IMMP2L: variants seen among roughly 807,000 people sequenced by gnomAD.
IMMP2L encodes mitochondrial inner membrane protease subunit 2.
A neutral mutation model predicts 19.3 loss-of-function variants in IMMP2L; 18 were observed. The observed-to-expected ratio is 0.93, with a 90% CI of 0.64 to 1.38. IMMP2L has a LOEUF of 1.38. Among genes scored for constraint, IMMP2L ranks in the 40% most tolerant of loss-of-function variants. The pLI is 0.00. For missense variants in IMMP2L, 233 were observed against 218.2 expected, an observed-to-expected ratio of 1.07 and a Z score of -0.43; for synonymous variants, 76 against 73.0, an observed-to-expected ratio of 1.04 and a Z score of -0.21.
intron 1 of IMMP2L, 126 bp downstream of exon 1, chr7:111,561,725 C>A (rs773942950): frequency 6.5e-6 from 1 of 152,778 alleles, no homozygotes; most frequent in Non-Finnish European, 1.5e-5. Flanking sequence ...CTCCAGTTCC[C>A]GATGAAAAGG....
At chr7:111,197,172 C>G (rs1399478783) in intron 3 of IMMP2L, among the ~76,000 whole-genome samples, 1 of 151,950 alleles carries the variant, frequency 6.6e-6, no homozygotes, top group African/African-American at 2.4e-5. Context: ...TAAAAATGAA[C>G]AAAGTATTGG....
At chr7:111,317,634 T>C (rs4730485) in intron 3 of IMMP2L, among the ~76,000 whole-genome samples, 68,647 of 151,894 alleles carry the variant, frequency 0.45, 16,098 homozygotes, top group Non-Finnish European at 0.52. Context: ...AATCAACAAT[T>C]TGTCTTCATT....
At chr7:111,420,380 T>C (rs1167483988) in intron 3 of IMMP2L, among the ~76,000 whole-genome samples, 1 of 151,792 alleles carries the variant, frequency 6.6e-6, no homozygotes, top group African/African-American at 2.4e-5. Context: ...ATAAAAAAAC[T>C]ATCTGTACAA....
intron 5 of IMMP2L, among the ~76,000 whole-genome samples, chr7:110,699,305 A>G (rs1794094216): frequency 6.6e-6 from 1 of 152,208 alleles, no homozygotes; most frequent in Non-Finnish European, 1.5e-5. Flanking sequence ...TACCCAGAAT[A>G]TTAAGTCATA....
At chr7:111,316,230 T>C (rs1824059203) in intron 3 of IMMP2L, among the ~76,000 whole-genome samples, 1 of 152,062 alleles carries the variant, frequency 6.6e-6, no homozygotes, top group African/African-American at 2.4e-5. Flanking sequence ...GAATTACAAC[T>C]GGGTGGATGG....
chr7:111,086,862 T>C (rs1445798449), intron 3 of IMMP2L, among the ~76,000 whole-genome samples: 1 of 152,240 alleles, frequency 6.6e-6, no homozygotes. Context: ...ACCACTACTG[T>C]ATAAAAGCAA....
intron 3 of IMMP2L, among the ~76,000 whole-genome samples, chr7:111,453,345 G>A (rs995614056): frequency 6.6e-6 from 1 of 152,088 alleles, no homozygotes; most frequent in Non-Finnish European, 1.5e-5. Flanking sequence ...TTTCCTTGAT[G>A]CCTTCTCCCC....
intron 3 of IMMP2L, among the ~76,000 whole-genome samples, chr7:111,105,394 A>G (rs1279266775): frequency 6.6e-6 from 1 of 151,936 alleles, no homozygotes; most frequent in Non-Finnish European, 1.5e-5. Flanking sequence ...CATGTTGAAA[A>G]GAGCAGATAG....
intron 3 of IMMP2L, among the ~76,000 whole-genome samples, chr7:111,181,601 A>T (rs761426214): frequency 7.2e-5 from 11 of 152,044 alleles, no homozygotes; most frequent in Non-Finnish European, 1.6e-4. Context: ...AGAGGAATAA[A>T]TGAAGGTTCT....
chr7:111,216,088 T>C (rs999806359), intron 3 of IMMP2L, among the ~76,000 whole-genome samples: 3 of 152,172 alleles, frequency 2.0e-5, no homozygotes, highest in African/African-American at 7.2e-5. Flanking sequence ...CTTGGAAAAT[T>C]CCAATTTGCC....
intron 2 of IMMP2L, among the ~76,000 whole-genome samples, chr7:111,508,264 T>G (rs1162672797): frequency 6.6e-6 from 1 of 151,596 alleles, no homozygotes; most frequent in African/African-American, 2.4e-5. Flanking sequence ...AGCTAAAAAG[T>G]ATAAAACAGG....
At chr7:111,542,876 C>T (rs940971778) in intron 1 of IMMP2L, among the ~76,000 whole-genome samples, 1 of 152,136 alleles carries the variant, frequency 6.6e-6, no homozygotes, top group African/African-American at 2.4e-5. Context: ...CATTTCAGCA[C>T]TCTCAATTGC....
chr7:111,553,590 C>A (rs1339589517), intron 1 of IMMP2L, among the ~76,000 whole-genome samples: 2 of 152,152 alleles, frequency 1.3e-5, no homozygotes, highest in Non-Finnish European at 2.9e-5. Flanking sequence ...TGAGACTACA[C>A]ACTTAAATCT....
At chr7:110,750,750 C>G (rs574874958) in intron 5 of IMMP2L, among the ~76,000 whole-genome samples, 1 of 151,934 alleles carries the variant, frequency 6.6e-6, no homozygotes, top group African/African-American at 2.4e-5. Flanking sequence ...TGTACACAGG[C>G]CACATTAATG....
At chr7:111,402,237 A>C (rs1394363808) in intron 3 of IMMP2L, among the ~76,000 whole-genome samples, 1 of 151,498 alleles carries the variant, frequency 6.6e-6, no homozygotes, top group East Asian at 1.9e-4. Context: ...TTCAAATTAA[A>C]ACCAAGCAAA....
intron 3 of IMMP2L, among the ~76,000 whole-genome samples, chr7:110,972,620 CTG>C (rs1317869152): frequency 6.6e-6 from 1 of 151,960 alleles, no homozygotes; most frequent in Non-Finnish European, 1.5e-5. Context: ...TTAAAAAAGA[CTG>C]TGAAAGATCA....
intron 3 of IMMP2L, among the ~76,000 whole-genome samples, chr7:111,374,958 G>A (rs1440206262): frequency 1.3e-5 from 2 of 152,034 alleles, no homozygotes; most frequent in Admixed American, 6.6e-5. Flanking sequence ...ATGATATCAC[G>A]ATGTATCAAG....
intron 4 of IMMP2L, chr7:110,963,145 A>T: frequency 7.0e-7 from 1 of 1,419,710 alleles, no homozygotes; most frequent in South Asian, 1.4e-5. Context: ...AAATAGTTAA[A>T]TGTTCTTGAA....
chr7:110,692,000 T>C (rs557901693), intron 5 of IMMP2L, among the ~76,000 whole-genome samples: 61 of 152,264 alleles, frequency 4.0e-4, no homozygotes, highest in Non-Finnish European at 5.6e-4. Context: ...AAAAGACATC[T>C]GCATACAAAT....
Sources: gnomAD v4.1 joint callset for allele counts (sites outside exome capture counted in the v4.1 genomes callset) on GRCh38, gnomAD v4.1.1 for gene constraint, MANE v1.5 for transcripts, NCBI Gene and HGNC (gene_info 2026-07-23, HGNC 2026-07-21) for gene names.